The following COL1A2 variants were observed in gnomAD, a reference collection of about 807,000 sequenced individuals.
COL1A2 encodes the protein collagen type I alpha 2 chain, also known as collagen alpha-2(I) chain.
A neutral mutation model predicts 174.3 loss-of-function variants in COL1A2; 49 were observed. The ratio of observed to expected loss-of-function variants is 0.28; its 90% CI spans 0.22 to 0.36. The LOEUF is 0.36. Ranked by LOEUF, COL1A2 falls within the 10% of genes least tolerant of loss-of-function variation. The pLI, the probability that COL1A2 is intolerant of heterozygous loss-of-function variation, is 1.00. For synonymous variants in COL1A2, 655 were observed against 606.6 expected (o/e 1.08, Z -1.17); for missense variants, 1,438 against 1,822.7 (o/e 0.79, Z 3.84).
rs1792297520 is a variant in COL1A2, at chr7:94,427,236, C to T, written c.3208C>T (p.His1070Tyr). Residue 1070 changes from histidine (H) to tyrosine (Y), a missense_variant, in exon 48 of 52, where the codon CAT becomes TAT. His to Tyr is a moderately conservative substitution (Grantham distance 83, BLOSUM62 2). Coordinates refer to ENST00000297268, the MANE Select transcript of COL1A2 (RefSeq NM_000089.4). The stretch of plus-strand genomic sequence containing the variant: ...TGCTGGAAAAGATGGTCGCACTGGA[C>T]ATCCTGGTACAGTTGGACCTGCTGG... ...GPAGKDGRTG[H>Y]PGTVGPAGIR... 1 of 1,613,970 alleles carries T rather than the reference C, an allele frequency of 6.2e-7. No homozygotes were observed. The highest frequency in any genetic ancestry group is 8.5e-7 in the Non-Finnish European group (1 of 1,179,978).
chr7:94,424,518 A>G, intron 41 of COL1A2, 75 bp downstream of exon 41: 2 of 1,272,360 alleles, frequency 1.6e-6, no homozygotes, highest in Non-Finnish European at 1.1e-6. Flanking sequence ...AATGTGACAG[A>G]TTGATCACTG....
intron 39 of COL1A2, chr7:94,422,707 T>C: frequency 2.0e-6 from 1 of 507,944 alleles, no homozygotes; most frequent in Non-Finnish European, 3.6e-6. Flanking sequence ...CATGACATTG[T>C]TTTTCCTCAT....
chr7:94,396,610 C>T (rs1437905165), intron 1 of COL1A2, among the ~76,000 whole-genome samples: 1 of 152,142 alleles, frequency 6.6e-6, no homozygotes, highest in African/African-American at 2.4e-5. Flanking sequence ...TCAAAATGGT[C>T]CATGTCTGAG....
intron 12 of COL1A2, 46 bp downstream of exon 12, chr7:94,406,349 T>C (rs1395758329): frequency 6.4e-7 from 1 of 1,571,260 alleles, no homozygotes; most frequent in East Asian, 2.2e-5. Flanking sequence ...TTGATTGAAA[T>C]TCCCCATGAC....
At chr7:94,395,415 C>T (rs927156555) in intron 1 of COL1A2, 8 of 387,864 alleles carry the variant, frequency 2.1e-5, no homozygotes, top group Non-Finnish European at 3.9e-5. Context: ...GAGATATTAA[C>T]GACCAATGTG....
At chr7:94,409,661 A>T (rs1791877098) in intron 18 of COL1A2, 53 bp downstream of exon 18, 1 of 1,613,756 alleles carries the variant, frequency 6.2e-7, no homozygotes, top group South Asian at 1.1e-5. Context: ...AAGGCATTTA[A>T]TGTGTGCTGC....
chr7:94,418,256 G>T (rs1792082435), intron 32 of COL1A2, among the ~76,000 whole-genome samples: 1 of 152,192 alleles, frequency 6.6e-6, no homozygotes, highest in Admixed American at 6.5e-5. Flanking sequence ...TGCTTCAGGA[G>T]AGTGTACGGA....
intron 11 of COL1A2, 55 bp downstream of exon 11, chr7:94,405,781 A>G: frequency 7.2e-6 from 10 of 1,381,168 alleles, no homozygotes; most frequent in Non-Finnish European, 1.0e-5. Flanking sequence ...TTTGGAAAAA[A>G]CTCAAGTATG....
In COL1A2 at chr7:94,428,207, G is replaced by A. The variant is rs1584331782; in HGVS notation, c.3527-86G>A. The A allele has an allele frequency of 3.5e-6, 4 of 1,158,358 alleles. No individual in the cohort carries two copies. The East Asian group carries it at 9.4e-5, about 27-fold the overall frequency. The allele number at this position is 1,158,358 out of a possible 1,614,324, so 71.8% of individuals were successfully genotyped here. On this transcript the variant is annotated intron_variant, in intron 49 of 51. Transcript: ENST00000297268. ...AGACAATCAAAAATGTTACTTATGA[G>A]AGTCAGTATCTTTCATTAGTTATTA...
chr7:94,429,368 G>A lies in COL1A2; in HGVS notation c.3892G>A (p.Val1298Ile). 6.2e-7 allele frequency: 1 copy of A among 1,614,032 alleles called. No individual in the cohort carries two copies. The highest frequency in any genetic ancestry group is 8.5e-7 in the Non-Finnish European group (1 of 1,179,956). The change falls in exon 51 of 52, where the codon GTT becomes ATT. Residue 1298 changes from valine to isoleucine, a missense_variant. Transcript: ENST00000297268. The stretch of plus-strand genomic sequence containing the variant: ...TGTCATTCTACAGGGCTCTAATGAT[G>A]TTGAACTTGTTGCTGAGGGCAACAG... ...KAVILQGSNDVELVAEGNSRF... is the reference protein window; with the variant it reads ...KAVILQGSNDIELVAEGNSRF...
chr7:94,399,839 C>G (rs994908698), intron 4 of COL1A2, among the ~76,000 whole-genome samples: 6 of 152,110 alleles, frequency 3.9e-5, no homozygotes, highest in Non-Finnish European at 7.4e-5. Flanking sequence ...TTGTCACAGT[C>G]AGAGATCGGC....
At position 94,409,382 on chromosome 7, in the gene COL1A2, G is replaced by A. The variant is rs751541809; in HGVS notation, c.853G>A (p.Val285Met). 14 of 1,614,206 alleles carry A rather than the reference G, an allele frequency of 8.7e-6. No homozygotes were observed. In the South Asian group the frequency reaches 1.3e-4, roughly 15 times the overall value. ...TGGTCCCGCCGGTCCCCGTGGTGAA[G>A]TGGGTCTTCCAGGCCTCTCCGGCCC... ...PAGPAGPRGE[V>M]GLPGLSGPVG... Residue 285 changes from valine (V) to methionine (M), a missense_variant, in exon 17 of 52, where the codon GTG (valine) becomes ATG (methionine). This residue lies in a region of COL1A2 where 867 missense variants were observed against 1,213.7 expected (regional missense o/e 0.71). Coordinates refer to ENST00000297268, the MANE Select transcript of COL1A2 (RefSeq NM_000089.4).
intron 12 of COL1A2, among the ~76,000 whole-genome samples, chr7:94,407,157 T>A (rs1791819794): frequency 6.6e-6 from 1 of 152,048 alleles, no homozygotes; most frequent in African/African-American, 2.4e-5. Context: ...CATCTAGAGG[T>A]TAGAAAGTCA....
chr7:94,413,374 T>C (rs547607411), intron 26 of COL1A2, among the ~76,000 whole-genome samples: 1 of 152,370 alleles, frequency 6.6e-6, no homozygotes, highest in East Asian at 1.9e-4. Context: ...ATTTTATTCA[T>C]TTTGTAATTA....
intron 12 of COL1A2, among the ~76,000 whole-genome samples, chr7:94,406,613 T>C (rs1791804164): frequency 6.6e-6 from 1 of 152,118 alleles, no homozygotes; most frequent in African/African-American, 2.4e-5. Context: ...TAAAAGTAAA[T>C]AAACATATAA....
intron 39 of COL1A2, chr7:94,422,609 G>T: frequency 4.7e-6 from 1 of 215,052 alleles, no homozygotes; most frequent in Non-Finnish European, 9.2e-6. Flanking sequence ...AAAAGGCAAA[G>T]TCCTTCGAAA....
At chr7:94,406,126 C>G (rs954471367) in intron 11 of COL1A2, 124 bp from the exon 12 acceptor site, 14 of 979,480 alleles carry the variant, frequency 1.4e-5, no homozygotes, top group Middle Eastern at 2.1e-4. Flanking sequence ...GAACACTGGA[C>G]TTCTTTCTAC....
Position 94,425,213 on chromosome 7 carries a change from G to A in COL1A2, c.2770G>A (p.Ala924Thr), listed in dbSNP as rs774864328. The change falls in exon 42 of 52, where the codon GCT becomes ACT. Residue 924 changes from alanine (A) to threonine (T), a missense_variant. Ala to Thr is a moderately conservative substitution (Grantham distance 58, BLOSUM62 0). This residue lies in a region of COL1A2 where 867 missense variants were observed against 1,213.7 expected (regional missense o/e 0.71). Transcript: ENST00000297268. ...SPGVNGAPGE[A>T]GRDGNPGNDG... ...TGGAGTCAACGGTGCTCCTGGTGAA[G>A]CTGGTCGTGATGTGAGTCCAACACT... is the stretch of plus-strand genomic sequence containing the variant. 1 of 1,614,080 alleles carries A rather than the reference G, an allele frequency of 6.2e-7. No homozygotes were observed. Among genetic ancestry groups the A allele is most frequent in the Non-Finnish European group, 8.5e-7 (1 of 1,179,970 alleles).
At position 94,412,094 on chromosome 7, in the gene COL1A2, C is replaced by T. The variant is rs770230919; in HGVS notation, c.1377C>T (p.Ile459=). Residue 459 remains isoleucine, a synonymous_variant, in exon 24 of 52, where the codon ATC becomes ATT. Coordinates refer to ENST00000297268, the MANE Select transcript of COL1A2 (RefSeq NM_000089.4). ...PRGLPGSPGN[I]GPAGKEGPVG... ...GTCTTCCTGGTTCCCCTGGAAATAT[C>T]GGCCCCGCTGGAAAAGAAGGTCCTG... The T allele has an allele frequency of 1.7e-5, 28 of 1,612,560 alleles. No individual in the cohort carries two copies. Among genetic ancestry groups the T allele is most frequent in the African/African-American group, 4.0e-5 (3 of 74,886 alleles).
Sources: gnomAD v4.1 joint callset for allele counts (sites outside exome capture counted in the v4.1 genomes callset) on GRCh38, gnomAD v4.1.1 for gene constraint, gnomAD v4.1.1 regional missense constraint, MANE v1.5 for transcripts, NCBI Gene and HGNC (gene_info 2026-07-23, HGNC 2026-07-21) for gene names.